The following COL4A5 variants were observed in gnomAD, a reference collection of about 807,000 sequenced individuals.
COL4A5 encodes the protein collagen alpha-5(IV) chain.
Under a neutral mutation model 130.2 loss-of-function variants are expected in COL4A5, and 26 were observed. That is an observed-to-expected ratio of 0.20 (90% CI 0.15 to 0.28). The LOEUF (loss-of-function observed/expected upper bound fraction) is 0.28. Ranked by LOEUF, COL4A5 falls within the 10% of genes least tolerant of loss-of-function variation. The probability of loss-of-function intolerance (pLI) is 1.00; values close to 1 mark genes in which losing one functional copy is unlikely to be tolerated. For missense variants in COL4A5, 1,131 were observed against 1,344.3 expected (o/e 0.84, Z 2.48); for synonymous variants, 496 against 439.6 (o/e 1.13, Z -1.60).
intron 1 of COL4A5, among the ~76,000 whole-genome samples, chrX:108,499,418 T>C (rs1019738834): frequency 2.7e-5 from 3 of 111,642 alleles, no homozygotes; most frequent in Non-Finnish European, 5.7e-5. Context: ...GAGATATTTG[T>C]GTATAATTAC....
At chrX:108,629,177 G>T in intron 36 of COL4A5, among the ~76,000 whole-genome samples, 1 of 111,473 alleles carries the variant, frequency 9.0e-6, no homozygotes, top group Non-Finnish European at 1.9e-5. Context: ...TGAGTGAGTT[G>T]AAACAAAGTA....
chrX:108,597,951 G>A (rs765544898), intron 24 of COL4A5, among the ~76,000 whole-genome samples: 19 of 110,733 alleles, frequency 1.7e-4, no homozygotes, highest in Non-Finnish European at 3.2e-4. Context: ...AGCACTTTGC[G>A]AGGCTGAGGT....
At chrX:108,547,813 C>T (rs1045519264) in intron 2 of COL4A5, among the ~76,000 whole-genome samples, 1 of 111,557 alleles carries the variant, frequency 9.0e-6, no homozygotes, top group Admixed American at 9.5e-5. Flanking sequence ...CAATGGCAGA[C>T]GCCCCTCCCC....
At chrX:108,511,880 AG>A (rs2065182790) in intron 1 of COL4A5, among the ~76,000 whole-genome samples, 1 of 111,801 alleles carries the variant, frequency 8.9e-6, no homozygotes, top group Non-Finnish European at 1.9e-5. Flanking sequence ...GTGGTTGCCT[AG>A]GACTGGGTGG....
intron 1 of COL4A5, among the ~76,000 whole-genome samples, chrX:108,486,908 TG>T (rs1346340459): frequency 4.4e-5 from 5 of 112,567 alleles, no homozygotes; most frequent in African/African-American, 1.3e-4. Flanking sequence ...GGTTTTGTTT[TG>T]TTTTTTCTGT....
At chrX:108,540,649 C>T (rs1172707690) in intron 2 of COL4A5, among the ~76,000 whole-genome samples, 1 of 111,040 alleles carries the variant, frequency 9.0e-6, no homozygotes, top group East Asian at 2.8e-4. Flanking sequence ...TGGGGTTTCG[C>T]CTTGTTGGCT....
At chrX:108,667,208 A>G in intron 40 of COL4A5, 25 bp downstream of exon 40, 17 of 1,144,819 alleles carry the variant, frequency 1.5e-5, no homozygotes, top group Non-Finnish European at 2.0e-5. Flanking sequence ...AACATGCTAA[A>G]TCAATCTATA....
In COL4A5 at chrX:108,583,009, A is replaced by G. The variant is rs1224909346; in HGVS notation, c.990+72A>G. ...TAATCCTTTTCTTCTCCCAGGCTTG[A>G]GTTATAAATGGAAAAAGTCTACATA... On this transcript the variant is annotated intron_variant, in intron 17 of 52. Transcript: ENST00000328300. The G allele has an allele frequency of 4.7e-6, 4 of 859,305 alleles. No individual in the cohort carries two copies. In the East Asian group the frequency reaches 9.4e-5, roughly 20 times the overall value. 70.8% of individuals were successfully genotyped at this position (859,305 alleles called of 1,213,427 possible).
chrX:108,590,819 A>T (rs1388236965), intron 19 of COL4A5, among the ~76,000 whole-genome samples: 1 of 111,887 alleles, frequency 8.9e-6, no homozygotes, highest in Non-Finnish European at 1.9e-5. Flanking sequence ...GGATGGGGTT[A>T]CTAGTAATTT....
At chrX:108,503,252 A>G (rs1272947816) in intron 1 of COL4A5, among the ~76,000 whole-genome samples, 3 of 111,480 alleles carry the variant, frequency 2.7e-5, no homozygotes, top group Non-Finnish European at 5.7e-5. Flanking sequence ...ATTAATGACA[A>G]TATTAGTTAA....
At chrX:108,531,183 G>C (rs1294950449) in intron 1 of COL4A5, among the ~76,000 whole-genome samples, 21 of 82,230 alleles carry the variant, frequency 2.6e-4, no homozygotes, top group African/African-American at 7.6e-4. Flanking sequence ...CACAGGAAGG[G>C]GAACATCACA....
At position 108,668,439 on chromosome X, in the gene COL4A5, C is replaced by T. The variant is rs777716706; in HGVS notation, c.3725C>T (p.Ser1242Phe). The change falls in exon 41 of 53, where the codon TCT (serine) becomes TTT (phenylalanine). Residue 1242 changes from serine (S) to phenylalanine (F), a missense_variant. Transcript: ENST00000328300. ...GVQGPPGPPG[S>F]PGPALEGPKG... ...CAGGGTCCCCCAGGCCCTCCTGGTT[C>T]TCCGGGTCCAGCTCTGGAAGGACCT... The T allele has an allele frequency of 1.7e-6, 2 of 1,209,531 alleles. No homozygotes were observed. Among genetic ancestry groups the T allele is most frequent in the Non-Finnish European group, 2.2e-6 (2 of 894,653 alleles).
intron 2 of COL4A5, among the ~76,000 whole-genome samples, chrX:108,544,794 A>G (rs2065617491): frequency 9.0e-6 from 1 of 111,175 alleles, no homozygotes; most frequent in African/African-American, 3.3e-5. Context: ...AGAGCCTGTT[A>G]TTGGTCTATT....
chrX:108,692,625 G>A, intron 49 of COL4A5, 123 bp from the exon 50 acceptor site: 1 of 539,874 alleles, frequency 1.9e-6, no homozygotes, highest in Non-Finnish European at 3.2e-6. Context: ...AAGAAATATA[G>A]TATATTTATT....
chrX:108,616,739 T>C (rs1344313622), intron 30 of COL4A5, among the ~76,000 whole-genome samples: 1 of 111,243 alleles, frequency 9.0e-6, no homozygotes, highest in Non-Finnish European at 1.9e-5. Context: ...TTTTTCAGAT[T>C]TACCTGATAC....
At chrX:108,623,536 C>G (rs966973415) in intron 33 of COL4A5, among the ~76,000 whole-genome samples, 3 of 111,649 alleles carry the variant, frequency 2.7e-5, no homozygotes, top group African/African-American at 9.8e-5. Context: ...ACTTGGCACC[C>G]AATCTATATA....
chrX:108,474,033 G>A (rs1474235225), intron 1 of COL4A5, among the ~76,000 whole-genome samples: 1 of 111,300 alleles, frequency 9.0e-6, no homozygotes, highest in East Asian at 2.8e-4. Flanking sequence ...AGTTTATAAA[G>A]ACAGTCAAAG....
At chrX:108,442,600 C>G (rs780833672) in intron 1 of COL4A5, among the ~76,000 whole-genome samples, 3 of 111,358 alleles carry the variant, frequency 2.7e-5, no homozygotes, top group Non-Finnish European at 3.8e-5. Flanking sequence ...GTTTTCTGTG[C>G]AGTAGATTGG....
intron 31 of COL4A5, among the ~76,000 whole-genome samples, chrX:108,620,913 C>A (rs28627464): frequency 0.24 from 26,852 of 109,918 alleles, 2,788 homozygotes; most frequent in East Asian, 0.57. Context: ...CCTTCCATGG[C>A]AGCTGGCTTC....
Sources: allele counts gnomAD v4.1 joint callset (sites outside exome capture counted in the v4.1 genomes callset), GRCh38; gene constraint gnomAD v4.1.1; transcripts MANE v1.5; gene names NCBI Gene and HGNC (gene_info 2026-07-23, HGNC 2026-07-21).